The following SPIDR variants were observed in gnomAD, a reference collection of about 807,000 sequenced individuals.
SPIDR encodes the protein DNA repair-scaffolding protein.
A neutral mutation model predicts 104.6 loss-of-function variants in SPIDR; 93 were observed. The observed-to-expected ratio is 0.89, with a 90% confidence interval of 0.75 to 1.06. The LOEUF is 1.06. Among genes scored for constraint, SPIDR ranks in the 50% least tolerant of loss-of-function variants. The probability of loss-of-function intolerance (pLI) is 0.00; values close to 1 mark genes in which losing one functional copy is unlikely to be tolerated. For synonymous variants in SPIDR, 431 were observed against 416.9 expected, an observed-to-expected ratio of 1.03 and a Z score of -0.41; for missense variants, 1,154 against 1,111.2, an observed-to-expected ratio of 1.04 and a Z score of -0.55.
chr8:47,267,475 G>T (rs528403658), intron 1 of SPIDR, among the ~76,000 whole-genome samples: 5 of 152,314 alleles, frequency 3.3e-5, no homozygotes, highest in African/African-American at 9.6e-5. Context: ...AGTCTCACCA[G>T]CAAGGAATGA....
intron 8 of SPIDR, among the ~76,000 whole-genome samples, chr8:47,457,759 T>C (rs1473402968): frequency 6.6e-6 from 1 of 152,186 alleles, no homozygotes; most frequent in African/African-American, 2.4e-5. Context: ...CTTGAGTTGA[T>C]TTTTGTATAA....
chr8:47,614,309 C>A (rs1222216567), intron 10 of SPIDR, among the ~76,000 whole-genome samples: 2 of 151,948 alleles, frequency 1.3e-5, no homozygotes, highest in Non-Finnish European at 2.9e-5. Flanking sequence ...GCAACCTCTG[C>A]CTCCTGGGTT....
intron 5 of SPIDR, among the ~76,000 whole-genome samples, chr8:47,349,185 G>T (rs574922629): frequency 6.6e-6 from 1 of 152,172 alleles, no homozygotes; most frequent in African/African-American, 2.4e-5. Flanking sequence ...TCTCTTTGTT[G>T]GTTTTCCTTC....
At chr8:47,470,274 GT>G (rs1235245645) in intron 8 of SPIDR, among the ~76,000 whole-genome samples, 14 of 151,942 alleles carry the variant, frequency 9.2e-5, no homozygotes, top group Non-Finnish European at 1.3e-4. Context: ...AGTGAGTTTT[GT>G]TTTTCGTTTT....
At chr8:47,553,713 T>G (rs1370844325) in intron 8 of SPIDR, among the ~76,000 whole-genome samples, 1 of 152,166 alleles carries the variant, frequency 6.6e-6, no homozygotes. Flanking sequence ...CTCGGAGAAG[T>G]TTGTTGTTAC....
intron 2 of SPIDR, among the ~76,000 whole-genome samples, chr8:47,280,429 G>T (rs2037520878): frequency 7.1e-6 from 1 of 141,000 alleles, no homozygotes; most frequent in South Asian, 2.2e-4. Flanking sequence ...GTCTCACTTT[G>T]TCACCCAGGC....
intron 7 of SPIDR, among the ~76,000 whole-genome samples, chr8:47,421,433 G>A (rs190550734): frequency 9.2e-5 from 14 of 152,184 alleles, no homozygotes; most frequent in Non-Finnish European, 1.5e-4. Flanking sequence ...TCGTCCTGTC[G>A]TTCTCTTGTT....
intron 5 of SPIDR, among the ~76,000 whole-genome samples, chr8:47,389,842 G>T (rs1285248081): frequency 6.6e-6 from 1 of 152,078 alleles, no homozygotes; most frequent in East Asian, 1.9e-4. Context: ...GATGTCAGTG[G>T]TGTATACCGG....
intron 8 of SPIDR, among the ~76,000 whole-genome samples, chr8:47,458,083 G>A (rs924202101): frequency 6.7e-6 from 1 of 149,586 alleles, no homozygotes; most frequent in Non-Finnish European, 1.5e-5. Flanking sequence ...TGGGCTCTTT[G>A]GTAAATTTTA....
chr8:47,331,858 G>T (rs2048721629), intron 5 of SPIDR, among the ~76,000 whole-genome samples: 1 of 148,224 alleles, frequency 6.7e-6, no homozygotes, highest in Non-Finnish European at 1.5e-5. Context: ...CTGTACAGAA[G>T]TATTTTTTTT....
In SPIDR at chr8:47,540,040, G is replaced by T. The variant is rs887961430; in HGVS notation, c.1098-55771G>T. 2.6e-5 allele frequency among the ~76,000 whole-genome samples: 4 copies of T among 152,204 alleles called. No homozygotes were observed. In the East Asian group the frequency reaches 5.8e-4, roughly 22 times the overall value. On this transcript the variant is annotated intron_variant, in intron 8 of 19. Coordinates refer to ENST00000297423, the MANE Select transcript of SPIDR (RefSeq NM_001080394.4). ...CTGAATTTATTGCTCCAAGTTGACT[G>T]TATTATTCCCCCACATTATGCTTGA...
intron 8 of SPIDR, among the ~76,000 whole-genome samples, chr8:47,559,431 G>A (rs2056792089): frequency 6.6e-6 from 1 of 152,176 alleles, no homozygotes; most frequent in South Asian, 2.1e-4. Context: ...TGACCAGATT[G>A]GAACACACAA....
At chr8:47,538,283 G>A (rs920628150) in intron 8 of SPIDR, among the ~76,000 whole-genome samples, 1 of 152,076 alleles carries the variant, frequency 6.6e-6, no homozygotes, top group Non-Finnish European at 1.5e-5. Flanking sequence ...GGTGGTTCAC[G>A]CCTGTAATCC....
chr8:47,293,540 G>T (rs1177289150), intron 4 of SPIDR, among the ~76,000 whole-genome samples: 1 of 152,106 alleles, frequency 6.6e-6, no homozygotes, highest in Non-Finnish European at 1.5e-5. Flanking sequence ...TCCACCTCTC[G>T]GGTTCAAGCG....
chr8:47,299,307 T>G (rs1387168825), intron 5 of SPIDR, among the ~76,000 whole-genome samples: 2 of 152,230 alleles, frequency 1.3e-5, no homozygotes, highest in Non-Finnish European at 2.9e-5. Flanking sequence ...TTTTGTATCC[T>G]GAGACTTTGC....
intron 7 of SPIDR, among the ~76,000 whole-genome samples, chr8:47,428,244 C>T (rs1293079880): frequency 6.6e-6 from 1 of 152,182 alleles, no homozygotes; most frequent in Non-Finnish European, 1.5e-5. Flanking sequence ...AATTTCTATA[C>T]AGAAAGTGGT....
chr8:47,459,043 G>GTATTTTGTTA (rs1270993782), intron 8 of SPIDR, among the ~76,000 whole-genome samples: 2 of 152,124 alleles, frequency 1.3e-5, no homozygotes, highest in Non-Finnish European at 2.9e-5. Context: ...CGGTTAGCTA[G>GTATTTTGTTA]TATTTTGTTA....
chr8:47,648,576 G>A (rs370752269), intron 10 of SPIDR, among the ~76,000 whole-genome samples: 23 of 152,178 alleles, frequency 1.5e-4, no homozygotes, highest in Non-Finnish European at 3.2e-4. Context: ...ACAGTGATAC[G>A]TCAGTAGCAA....
At chr8:47,554,717 A>C (rs975980190) in intron 8 of SPIDR, among the ~76,000 whole-genome samples, 2 of 152,010 alleles carry the variant, frequency 1.3e-5, no homozygotes, top group African/African-American at 4.8e-5. Flanking sequence ...GCAGTGCCCC[A>C]CCCTGCTTCG....
Sources: gnomAD v4.1 joint callset for allele counts (sites outside exome capture counted in the v4.1 genomes callset) on GRCh38, gnomAD v4.1.1 for gene constraint, MANE v1.5 for transcripts, NCBI Gene and HGNC (gene_info 2026-07-23, HGNC 2026-07-21) for gene names.